The following KLF12 variants were observed in gnomAD, a reference collection of about 807,000 sequenced individuals.
The protein encoded by KLF12 is KLF transcription factor 12.
KLF12 carries 9 observed loss-of-function variants against 37.8 expected under a neutral mutation model. The observed-to-expected ratio is 0.24, with a 90% CI of 0.14 to 0.42. The LOEUF (loss-of-function observed/expected upper bound fraction) is 0.42. KLF12 is among the 10% of genes least tolerant of loss of function. KLF12 has a pLI of 1.00. For synonymous variants in KLF12, 208 were observed against 202.1 expected (o/e 1.03, Z -0.25); for missense variants, 411 against 516.0 (o/e 0.80, Z 1.97).
intron 4 of KLF12, among the ~76,000 whole-genome samples, chr13:73,840,414 C>A (rs1362875134): frequency 6.6e-6 from 1 of 152,062 alleles, no homozygotes; most frequent in Non-Finnish European, 1.5e-5. Context: ...CCTCTGAGTT[C>A]CAGGCTCGCC....
At chr13:73,768,053 C>T (rs545671925) in intron 5 of KLF12, among the ~76,000 whole-genome samples, 2 of 152,252 alleles carry the variant, frequency 1.3e-5, no homozygotes, top group African/African-American at 4.8e-5. Flanking sequence ...ATCTTATCAT[C>T]CCAAATGGAA....
chr13:74,002,115 C>A (rs975586094), intron 1 of KLF12, among the ~76,000 whole-genome samples: 1 of 152,206 alleles, frequency 6.6e-6, no homozygotes, highest in Non-Finnish European at 1.5e-5. Context: ...GAGTGCCTTA[C>A]TGAACAATAG....
chr13:73,945,394 T>C (rs1239858624), intron 2 of KLF12, among the ~76,000 whole-genome samples: 1 of 151,310 alleles, frequency 6.6e-6, no homozygotes, highest in East Asian at 2.0e-4. Flanking sequence ...ACTTGAACCT[T>C]GGAGGTGGAG....
chr13:73,973,357 A>G (rs185960615), intron 2 of KLF12, among the ~76,000 whole-genome samples: 56 of 152,314 alleles, frequency 3.7e-4, no homozygotes, highest in Admixed American at 1.1e-3. Context: ...AGGTACAGAA[A>G]TAGTCTGCAT....
rs182991396 is a variant in KLF12 at position 73,841,288 on chromosome 13, A to G, written c.670+4539T>C. On this transcript the variant is annotated intron_variant, in intron 4 of 7. Transcript: ENST00000377669. ...ATAACTTTGCCTGAGATCTGTCTTG[A>G]CCCTCTATGCCAGGGGTGTCCAGTC... Among the ~76,000 whole-genome samples, 635 of 152,048 alleles carry G rather than the reference A, an allele frequency of 4.2e-3. 1 individual carries two copies. The highest frequency in any genetic ancestry group is 0.014 in the African/African-American group (580 of 41,482).
At chr13:73,868,536 G>A (rs1886305059) in intron 3 of KLF12, among the ~76,000 whole-genome samples, 1 of 151,776 alleles carries the variant, frequency 6.6e-6, no homozygotes, top group Admixed American at 6.6e-5. Context: ...GACTACAGGT[G>A]CACAACAACA....
intron 3 of KLF12, among the ~76,000 whole-genome samples, chr13:73,926,966 C>T (rs1226546767): frequency 6.6e-6 from 1 of 150,406 alleles, no homozygotes; most frequent in Non-Finnish European, 1.5e-5. Flanking sequence ...CAAGTTATCC[C>T]ATGAATTCTT....
chr13:73,761,565 CCT>C (rs1338154372), intron 6 of KLF12, among the ~76,000 whole-genome samples: 1 of 152,138 alleles, frequency 6.6e-6, no homozygotes, highest in African/African-American at 2.4e-5. Flanking sequence ...AAATCCTTTT[CCT>C]CTGTCTTTTT....
At chr13:73,894,352 TGTAA>T (rs952596968) in intron 3 of KLF12, among the ~76,000 whole-genome samples, 1 of 152,216 alleles carries the variant, frequency 6.6e-6, no homozygotes, top group African/African-American at 2.4e-5. Context: ...AATGATGCCC[TGTAA>T]GTAAGATACA....
upstream of KLF12, among the ~76,000 whole-genome samples, chr13:74,136,631 A>G (rs1466999621): frequency 6.6e-6 from 1 of 152,214 alleles, no homozygotes; most frequent in African/African-American, 2.4e-5. Context: ...TGGAAAAGCA[A>G]ACTGCACTGC....
At chr13:74,242,411 A>G in the KLF12 span, among the ~76,000 whole-genome samples, 33 of 152,190 alleles carry the variant, frequency 2.2e-4, no homozygotes, top group Non-Finnish European at 4.6e-4. Flanking sequence ...AATGAGAACC[A>G]AGTGAAAGAG....
At chr13:74,107,797 G>A (rs1486908122) in intron 1 of KLF12, among the ~76,000 whole-genome samples, 1 of 152,202 alleles carries the variant, frequency 6.6e-6, no homozygotes, top group Non-Finnish European at 1.5e-5. Context: ...AGGAATCGAT[G>A]AAGAGCAAAG....
intron 6 of KLF12, among the ~76,000 whole-genome samples, chr13:73,742,193 T>C (rs1878049812): frequency 6.6e-6 from 1 of 152,174 alleles, no homozygotes; most frequent in South Asian, 2.1e-4. Flanking sequence ...TTATTTACAT[T>C]TTAGATTCTT....
intron 6 of KLF12, among the ~76,000 whole-genome samples, chr13:73,732,688 C>T (rs1948273055): frequency 6.6e-6 from 1 of 152,160 alleles, no homozygotes; most frequent in African/African-American, 2.4e-5. Flanking sequence ...CTTGAGTGAT[C>T]TTGCTCATTC....
At chr13:74,074,421 T>C (rs556272775) in intron 1 of KLF12, among the ~76,000 whole-genome samples, 103 of 152,208 alleles carry the variant, frequency 6.8e-4, no homozygotes, top group African/African-American at 2.2e-3. Context: ...CTTCTCTAAC[T>C]TAAAACCCAC....
At chr13:74,082,824 A>T (rs1874993704) in intron 1 of KLF12, among the ~76,000 whole-genome samples, 1 of 152,164 alleles carries the variant, frequency 6.6e-6, no homozygotes, top group Non-Finnish European at 1.5e-5. Flanking sequence ...AAAGCCAGGG[A>T]GCATTTTCCC....
At chr13:73,712,309 G>C (rs1279110992) in intron 7 of KLF12, among the ~76,000 whole-genome samples, 1 of 137,714 alleles carries the variant, frequency 7.3e-6, no homozygotes, top group African/African-American at 2.8e-5. Flanking sequence ...TTGCACTCCA[G>C]CCTGGGTAAC....
intron 3 of KLF12, among the ~76,000 whole-genome samples, chr13:73,848,417 C>A (rs1041071709): frequency 1.3e-5 from 2 of 151,920 alleles, no homozygotes; most frequent in African/African-American, 4.8e-5. Context: ...CTTTGTTTAT[C>A]ACACAAGTCT....
the KLF12 span, among the ~76,000 whole-genome samples, chr13:74,283,474 A>G: frequency 2.6e-5 from 4 of 152,364 alleles, no homozygotes; most frequent in Middle Eastern, 3.4e-3. Flanking sequence ...AGAAAAATCA[A>G]TTCATCTAGA....
Sources: allele counts gnomAD v4.1 joint callset (sites outside exome capture counted in the v4.1 genomes callset), GRCh38; gene constraint gnomAD v4.1.1; transcripts MANE v1.5; gene names NCBI Gene and HGNC (gene_info 2026-07-23, HGNC 2026-07-21).